The following SGCD variants were observed in gnomAD, a reference collection of about 807,000 sequenced individuals.
SGCD encodes delta-sarcoglycan.
SGCD carries 18 observed loss-of-function variants against 36.6 expected under a neutral mutation model. The observed-to-expected ratio is 0.49, with a 90% confidence interval of 0.34 to 0.73. The LOEUF (loss-of-function observed/expected upper bound fraction) is 0.73. SGCD is among the 30% of genes least tolerant of loss of function. The pLI, the probability that SGCD is intolerant of heterozygous loss-of-function variation, is 0.01. For missense variants in SGCD, 387 were observed against 346.7 expected, an observed-to-expected ratio of 1.12 and a Z score of -0.92; for synonymous variants, 133 against 130.6, an observed-to-expected ratio of 1.02 and a Z score of -0.12.
chr5:156,471,212 A>G (rs959157078), intron 3 of SGCD, among the ~76,000 whole-genome samples: 1 of 152,200 alleles, frequency 6.6e-6, no homozygotes, highest in Non-Finnish European at 1.5e-5. Flanking sequence ...AGAAAATTCC[A>G]TATTTTTAAG....
At chr5:155,866,937 G>T (rs996765305), upstream of SGCD, among the ~76,000 whole-genome samples, 3 of 152,106 alleles carry the variant, frequency 2.0e-5, no homozygotes, top group African/African-American at 4.8e-5. Context: ...AAGGATCTGG[G>T]TGAGAAGAAT....
intron 1 of SGCD, among the ~76,000 whole-genome samples, chr5:156,071,480 A>T (rs1318258302): frequency 6.6e-6 from 1 of 152,160 alleles, no homozygotes; most frequent in Non-Finnish European, 1.5e-5. Flanking sequence ...GTTTGATTGC[A>T]CTGTGGTCTG....
intron 4 of SGCD, among the ~76,000 whole-genome samples, chr5:156,544,787 T>G (rs1255994335): frequency 6.6e-6 from 1 of 152,186 alleles, no homozygotes; most frequent in African/African-American, 2.4e-5. Context: ...TTACTATTAT[T>G]ATCATTGACC....
chr5:156,177,513 A>G (rs1313467824), intron 3 of SGCD, among the ~76,000 whole-genome samples: 1 of 152,172 alleles, frequency 6.6e-6, no homozygotes, highest in Admixed American at 6.5e-5. Context: ...ACTTGATTAT[A>G]CAGTTCTCCT....
At chr5:156,203,575 G>T (rs956412683) in intron 3 of SGCD, among the ~76,000 whole-genome samples, 9 of 152,060 alleles carry the variant, frequency 5.9e-5, no homozygotes, top group African/African-American at 2.2e-4. Flanking sequence ...GTATTACTAT[G>T]TTCCTGACAC....
the SGCD span, among the ~76,000 whole-genome samples, chr5:155,761,977 T>C: frequency 6.6e-6 from 1 of 152,230 alleles, no homozygotes; most frequent in Non-Finnish European, 1.5e-5. Context: ...TTTCATGCTA[T>C]TCTGTAAGGT....
intron 1 of SGCD, among the ~76,000 whole-genome samples, chr5:156,101,941 T>TGTGTGTGTGTGA (rs1218348339): frequency 6.6e-4 from 92 of 138,346 alleles, no homozygotes; most frequent in Middle Eastern, 7.7e-3. Context: ...TGTGTGTGTG[T>TGTGTGTGTGTGA]GAGAGAGAGA....
chr5:156,275,485 A>G (rs928863221), intron 3 of SGCD, among the ~76,000 whole-genome samples: 3 of 152,238 alleles, frequency 2.0e-5, no homozygotes, highest in African/African-American at 7.2e-5. Flanking sequence ...AAACAAGTAC[A>G]GAGGATTGAA....
At chr5:156,756,943 C>T (rs930038462) in intron 7 of SGCD, among the ~76,000 whole-genome samples, 1 of 152,096 alleles carries the variant, frequency 6.6e-6, no homozygotes, top group Non-Finnish European at 1.5e-5. Flanking sequence ...GGTATTGTAA[C>T]AATAGTAACA....
chr5:156,439,352 T>G (rs1753385702), intron 3 of SGCD, among the ~76,000 whole-genome samples: 1 of 152,194 alleles, frequency 6.6e-6, no homozygotes, highest in Non-Finnish European at 1.5e-5. Flanking sequence ...TGAATTTACC[T>G]GGATGGCAAA....
At chr5:155,854,705 A>G in the SGCD span, among the ~76,000 whole-genome samples, 1 of 152,174 alleles carries the variant, frequency 6.6e-6, no homozygotes, top group Admixed American at 6.5e-5. Flanking sequence ...AACTTCCAAT[A>G]TTGATGTACC....
chr5:156,385,503 A>T (rs1042221970), intron 3 of SGCD, among the ~76,000 whole-genome samples: 2 of 152,258 alleles, frequency 1.3e-5, no homozygotes, highest in Non-Finnish European at 2.9e-5. Context: ...GATTTGTTTA[A>T]ATTCAACAAT....
chr5:155,863,587 G>T, the SGCD span, among the ~76,000 whole-genome samples: 1 of 101,680 alleles, frequency 9.8e-6, no homozygotes. Flanking sequence ...AGTATTATTA[G>T]TCTTCATTCC....
At chr5:156,052,222 A>G (rs1438823228) in intron 1 of SGCD, among the ~76,000 whole-genome samples, 1 of 145,944 alleles carries the variant, frequency 6.9e-6, no homozygotes, top group East Asian at 1.9e-4. Flanking sequence ...CTCAGTAGAC[A>G]GGCTGGTTGG....
intron 7 of SGCD, among the ~76,000 whole-genome samples, chr5:156,679,477 T>G (rs1753640509): frequency 6.6e-6 from 1 of 152,186 alleles, no homozygotes; most frequent in Non-Finnish European, 1.5e-5. Flanking sequence ...CATACATACA[T>G]GCACATGCCA....
chr5:155,778,004 T>A, the SGCD span, among the ~76,000 whole-genome samples: 4 of 152,184 alleles, frequency 2.6e-5, no homozygotes, highest in Admixed American at 6.5e-5. Flanking sequence ...TATTCTTTTG[T>A]TTCTTTTAAA....
chr5:156,694,922 C>A (rs1754247840), intron 7 of SGCD, among the ~76,000 whole-genome samples: 1 of 152,136 alleles, frequency 6.6e-6, no homozygotes, highest in Non-Finnish European at 1.5e-5. Flanking sequence ...TTATCTCATC[C>A]TAGAGAGAAA....
At chr5:156,694,704 G>A (rs993364995) in intron 7 of SGCD, among the ~76,000 whole-genome samples, 2 of 151,998 alleles carry the variant, frequency 1.3e-5, no homozygotes, top group Non-Finnish European at 2.9e-5. Flanking sequence ...AAGACTTTTA[G>A]ACTACATTAT....
At chr5:155,754,685 G>A in the SGCD span, among the ~76,000 whole-genome samples, 10 of 152,294 alleles carry the variant, frequency 6.6e-5, no homozygotes, top group Admixed American at 3.9e-4. Context: ...TTAAGAAAAC[G>A]TCATTGAAGA....
Sources: gnomAD v4.1 joint callset for allele counts (sites outside exome capture counted in the v4.1 genomes callset) on GRCh38, gnomAD v4.1.1 for gene constraint, MANE v1.5 for transcripts, NCBI Gene and HGNC (gene_info 2026-07-23, HGNC 2026-07-21) for gene names.